DEDD2: variants seen among roughly 807,000 people sequenced by gnomAD.
DEDD2 encodes the protein death effector domain containing 2, also known as DNA-binding death effector domain-containing protein 2.
DEDD2 carries 18 observed loss-of-function variants against 28.9 expected under a neutral mutation model. The ratio of observed to expected loss-of-function variants is 0.62; its 90% CI spans 0.43 to 0.92. The LOEUF (loss-of-function observed/expected upper bound fraction) is 0.92, where lower values mean the gene tolerates loss of function less well. Ranked by LOEUF, DEDD2 falls within the 40% of genes least tolerant of loss-of-function variation. The pLI is 0.00. For synonymous variants in DEDD2, 211 were observed against 206.1 expected (o/e 1.02, Z -0.20); for missense variants, 411 against 463.3 (o/e 0.89, Z 1.04).
chr19:42,211,711 A>G (rs953267270), intron 3 of DEDD2, among the ~76,000 whole-genome samples: 2 of 152,152 alleles, frequency 1.3e-5, no homozygotes, highest in African/African-American at 2.4e-5. Flanking sequence ...CCACATCTTA[A>G]TGTTATTAAG....
chr19:42,199,332 C>A lies in DEDD2; in HGVS notation c.*106G>T. ...CCTGCTGTCCCGGTCCTGTCGCAGT[C>A]CTCAAAGATGCTAGAGTGACAGTCC... On this transcript the variant is annotated 3_prime_UTR_variant, in exon 5 of 5. Coordinates refer to ENST00000596251, the MANE Select transcript of DEDD2 (RefSeq NM_133328.4). This position sits in a 1 kb window ranked among gnomAD's most constrained non-coding sequence, Gnocchi z 7.4. 1 of 1,419,216 alleles carries A rather than the reference C, an allele frequency of 7.0e-7. No homozygotes were observed. The highest frequency in any genetic ancestry group is 1.5e-5 in the South Asian group (1 of 67,212). 87.9% of individuals were successfully genotyped at this position (1,419,216 alleles called of 1,614,324 possible). A position where few individuals can be genotyped will look rare whatever the true frequency, so the allele number is the denominator to read the frequency against.
intron 3 of DEDD2, among the ~76,000 whole-genome samples, chr19:42,210,202 G>A (rs1331160999): frequency 6.6e-6 from 1 of 152,128 alleles, no homozygotes; most frequent in Non-Finnish European, 1.5e-5. Flanking sequence ...ATAGGGAGAT[G>A]TCCAGGATAG....
At chr19:42,205,388 G>A (rs1229896915) in intron 4 of DEDD2, among the ~76,000 whole-genome samples, 5 of 152,132 alleles carry the variant, frequency 3.3e-5, no homozygotes, top group Non-Finnish European at 5.9e-5. Context: ...CCAACACTTT[G>A]GGAGGCCCAG....
chr19:42,203,844 G>C (rs1452028886), intron 4 of DEDD2, among the ~76,000 whole-genome samples: 1 of 152,232 alleles, frequency 6.6e-6, no homozygotes, highest in Non-Finnish European at 1.5e-5. Context: ...GGCTGTCCAG[G>C]ATGGGAGCAG....
chr19:42,217,792 C>G (rs1268383964), upstream of DEDD2: 1 of 152,400 alleles, frequency 6.6e-6, no homozygotes, highest in Non-Finnish European at 1.5e-5. Context: ...ATGCGCAGAA[C>G]GAGGCCTCCA....
At chr19:42,214,737 T>C (rs1347508959) in intron 3 of DEDD2, among the ~76,000 whole-genome samples, 2 of 152,144 alleles carry the variant, frequency 1.3e-5, no homozygotes, top group African/African-American at 4.8e-5. Flanking sequence ...CACTCCAGCC[T>C]GGGTGACAGA....
At position 42,215,135 on chromosome 19, in the gene DEDD2, G is replaced by A; in HGVS notation, c.446C>T (p.Thr149Ile). ...TACACCCACCCAGCTGGGCTCACCT[G>A]TCTCCCACTGACCCTGCTGAGAATT... ...SANSQQGQWETGSPPTKRQRR... is the reference protein window; with the variant it reads ...SANSQQGQWEIGSPPTKRQRR... Residue 149 changes from threonine (T) to isoleucine (I), a missense_variant and splice_region_variant, in exon 3 of 5, where the codon ACA becomes ATA. Physicochemically the swap from Thr to Ile is moderately conservative, Grantham distance 89. Around this residue, in one of 2 missense-constraint regions of DEDD2, gnomAD observed 282 missense variants for 273.4 expected, o/e 1.03. Coordinates refer to ENST00000596251, the MANE Select transcript of DEDD2 (RefSeq NM_133328.4). 6.2e-7 allele frequency: 1 copy of A among 1,613,970 alleles called. No individual in the cohort carries two copies. The highest frequency in any genetic ancestry group is 8.5e-7 in the Non-Finnish European group (1 of 1,180,012).
rs1004580556 is a variant in DEDD2, at chr19:42,199,231, G to T, written c.*207C>A. ...AAGGGGGCACACCTGGGGGTAGGAG[G>T]AGTCTGGGAAGGAAACTCAGCTGGA... On this transcript the variant is annotated 3_prime_UTR_variant, in exon 5 of 5. Transcript: ENST00000596251. The surrounding 1 kb of genome is among the most constrained non-coding windows in gnomAD (Gnocchi z 7.4). 2.7e-6 allele frequency: 2 copies of T among 754,344 alleles called. No homozygotes were observed. Among genetic ancestry groups the T allele is most frequent in the Middle Eastern group, 3.9e-4 (1 of 2,588 alleles). 46.7% of individuals were successfully genotyped at this position (754,344 alleles called of 1,614,324 possible). A position where few individuals can be genotyped will look rare whatever the true frequency, so the allele number is the denominator to read the frequency against.
chr19:42,211,787 C>A (rs1356720810), intron 3 of DEDD2: 1 of 152,046 alleles, frequency 6.6e-6, no homozygotes, highest in Non-Finnish European at 1.5e-5. Flanking sequence ...CCTATAATCC[C>A]AGCATTCTGG....
At chr19:42,206,509 A>T (rs2035541106) in intron 4 of DEDD2, among the ~76,000 whole-genome samples, 1 of 152,204 alleles carries the variant, frequency 6.6e-6, no homozygotes, top group Non-Finnish European at 1.5e-5. Context: ...AGTTTCAGCC[A>T]AGCTCTGCCC....
Position 42,216,720 on chromosome 19 carries a change from G to C in DEDD2, c.288C>G (p.His96Gln). ...TGCGCGCCAGGTGCGGCAGCAGGTC[G>C]TGGCGGGCCAGCACGCGCAGGAGTT... ...LGQLLRVLARHDLLPHLARKR... is the reference protein window; with the variant it reads ...LGQLLRVLARQDLLPHLARKR... The change falls in exon 2 of 5, where the codon CAC (histidine) becomes CAG (glutamine). Residue 96 changes from histidine to glutamine, a missense_variant. By Grantham distance (24) the His-to-Gln change is conservative. Coordinates refer to ENST00000596251, the MANE Select transcript of DEDD2 (RefSeq NM_133328.4). The C allele has an allele frequency of 4.4e-6, 7 of 1,590,022 alleles. No homozygotes were observed. The highest frequency in any genetic ancestry group is 4.3e-6 in the Non-Finnish European group (5 of 1,171,476).
At chr19:42,201,933 G>A in intron 4 of DEDD2, 1 of 398,654 alleles carries the variant, frequency 2.5e-6, no homozygotes, top group Non-Finnish European at 4.4e-6. Flanking sequence ...CCTCTTCCAG[G>A]CCACCCAGGA....
intron 4 of DEDD2, among the ~76,000 whole-genome samples, chr19:42,208,244 A>G (rs2035611149): frequency 4.6e-5 from 7 of 152,146 alleles, no homozygotes; most frequent in Admixed American, 4.6e-4. Flanking sequence ...AGCAAGGTCA[A>G]AGTAGTCTCA....
intron 3 of DEDD2, among the ~76,000 whole-genome samples, chr19:42,211,362 G>A (rs1460316956): frequency 7.0e-6 from 1 of 142,136 alleles, no homozygotes; most frequent in East Asian, 2.2e-4. Flanking sequence ...TCCAGCCTGG[G>A]AAACAGAGCT....
chr19:42,202,853 A>C (rs1382764231), intron 4 of DEDD2, among the ~76,000 whole-genome samples: 2 of 152,214 alleles, frequency 1.3e-5, no homozygotes, highest in Non-Finnish European at 2.9e-5. Flanking sequence ...GGGAGGTGCC[A>C]CCAGGCAATA....
intron 4 of DEDD2, among the ~76,000 whole-genome samples, chr19:42,200,539 G>A (rs1300527652): frequency 2.6e-5 from 4 of 152,364 alleles, no homozygotes; most frequent in South Asian, 2.1e-4. Context: ...GTCCTGACCA[G>A]GCCCGGGAGG....
In DEDD2 at chr19:42,199,566, G is replaced by T. The variant is rs563883289; in HGVS notation, c.853C>A (p.Arg285=). ...LRGVFLTEAL[R]EAVGREAVRL... ...ACAGCCTCCCGGCCCACAGCCTCTC[G>T]CAGGGCCTCAGTCAGGAACACGCCC... Residue 285 remains arginine (R), a synonymous_variant, in exon 5 of 5, where the codon CGA becomes AGA. Transcript: ENST00000596251. This position sits in a 1 kb window ranked among gnomAD's most constrained non-coding sequence, Gnocchi z 7.4. 6.2e-7 allele frequency: 1 copy of T among 1,614,016 alleles called. No individual in the cohort carries two copies. Among genetic ancestry groups the T allele is most frequent in the South Asian group, 1.1e-5 (1 of 91,080 alleles).
intron 2 of DEDD2, among the ~76,000 whole-genome samples, chr19:42,215,457 G>A (rs1164841271): frequency 6.6e-5 from 10 of 152,178 alleles, no homozygotes; most frequent in East Asian, 1.9e-4. Flanking sequence ...TCTAACCCAC[G>A]TCTACGGCAG....
intron 3 of DEDD2, among the ~76,000 whole-genome samples, chr19:42,214,727 C>T (rs938104684): frequency 4.6e-5 from 7 of 152,126 alleles, no homozygotes; most frequent in African/African-American, 1.7e-4. Context: ...TTCATCACTG[C>T]ACTCCAGCCT....
Sources: allele counts gnomAD v4.1 joint callset (sites outside exome capture counted in the v4.1 genomes callset), GRCh38; gene constraint gnomAD v4.1.1; regional missense constraint gnomAD v4.1.1; non-coding constraint Gnocchi (gnomAD v3.1); transcripts MANE v1.5; gene names NCBI Gene and HGNC (gene_info 2026-07-23, HGNC 2026-07-21).